Variants in SLC1A1 observed in about 807,000 individuals in gnomAD.
The protein encoded by SLC1A1 is excitatory amino acid transporter 3.
Under a neutral mutation model 53.3 loss-of-function variants are expected in SLC1A1, and 43 were observed. The observed-to-expected ratio is 0.81, with a 90% confidence interval of 0.63 to 1.04. The LOEUF is 1.04. SLC1A1 is among the 50% of genes least tolerant of loss of function. The pLI, the probability that SLC1A1 is intolerant of heterozygous loss-of-function variation, is 0.00. For missense variants in SLC1A1, 748 were observed against 664.9 expected, an observed-to-expected ratio of 1.12 and a Z score of -1.37; for synonymous variants, 307 against 243.2, an observed-to-expected ratio of 1.26 and a Z score of -2.44.
intron 6 of SLC1A1, among the ~76,000 whole-genome samples, chr9:4,571,711 T>A (rs867831763): frequency 2.3e-5 from 3 of 132,644 alleles, no homozygotes; most frequent in Admixed American, 7.6e-5. Flanking sequence ...TAAATAATCC[T>A]ATTGGTCATC....
intron 1 of SLC1A1, among the ~76,000 whole-genome samples, chr9:4,507,769 C>A (rs1363568017): frequency 2.6e-5 from 4 of 152,076 alleles, no homozygotes; most frequent in Non-Finnish European, 5.9e-5. Flanking sequence ...TTTAGAAAAT[C>A]CAGGATGATC....
In SLC1A1 at chr9:4,583,150, A is replaced by C; in HGVS notation, c.1306A>C (p.Ile436Leu). ...CCTGCCCGCCGAGGATGTCACCCTG[A>C]TCATTGCTGTCGACTGGCTCCTGTG... ...VGLPAEDVTL[I>L]IAVDWLLDRF... Residue 436 changes from isoleucine (I) to leucine (L), a missense_variant, in exon 11 of 12, where the codon ATC (isoleucine) becomes CTC (leucine). Ile to Leu is a conservative substitution (Grantham distance 5). Transcript: ENST00000262352. The surrounding 1 kb of genome is among the most constrained non-coding windows in gnomAD (Gnocchi z 4.6). 6.2e-7 allele frequency: 1 copy of C among 1,614,164 alleles called. No individual in the cohort carries two copies. Among genetic ancestry groups the C allele is most frequent in the Non-Finnish European group, 8.5e-7 (1 of 1,180,038 alleles).
chr9:4,503,952 T>C (rs763873633), intron 1 of SLC1A1, among the ~76,000 whole-genome samples: 8 of 152,260 alleles, frequency 5.3e-5, no homozygotes, highest in Non-Finnish European at 1.0e-4. Context: ...GGAACTCTTA[T>C]GCTAGCCTAA....
intron 1 of SLC1A1, among the ~76,000 whole-genome samples, chr9:4,531,396 A>G (rs1434693538): frequency 6.6e-6 from 1 of 152,192 alleles, no homozygotes; most frequent in Non-Finnish European, 1.5e-5. Flanking sequence ...CAAATGGTAC[A>G]CTGGGAGATT....
chr9:4,520,924 A>T (rs971443523), intron 1 of SLC1A1, among the ~76,000 whole-genome samples: 2 of 152,196 alleles, frequency 1.3e-5, no homozygotes, highest in African/African-American at 4.8e-5. Flanking sequence ...TCACCAACAT[A>T]TATCATTTTC....
chr9:4,493,759 C>T (rs568277758), intron 1 of SLC1A1, among the ~76,000 whole-genome samples: 1 of 152,104 alleles, frequency 6.6e-6, no homozygotes, highest in Admixed American at 6.6e-5. Context: ...AATAATAATG[C>T]AATGAAATGT....
At position 4,583,653 on chromosome 9, in the gene SLC1A1, C is replaced by T. The variant is rs552661098; in HGVS notation, c.1328+481C>T. Among the ~76,000 whole-genome samples, 7 of 152,292 alleles carry T rather than the reference C, an allele frequency of 4.6e-5. No homozygotes were observed. Among genetic ancestry groups the T allele is most frequent in the Admixed American group, 2.0e-4 (3 of 15,284 alleles). On this transcript the variant is annotated intron_variant, in intron 11 of 11. Coordinates refer to ENST00000262352, the MANE Select transcript of SLC1A1 (RefSeq NM_004170.6). This position sits in a 1 kb window ranked among gnomAD's most constrained non-coding sequence, Gnocchi z 4.6. ...AGCTTCTTGACCTCGAGCAAGTTTC[C>T]TTAACCTGAGGCCCAGTTGCATAAT...
intron 1 of SLC1A1, among the ~76,000 whole-genome samples, chr9:4,503,060 T>C (rs1340903543): frequency 1.3e-5 from 2 of 151,978 alleles, no homozygotes; most frequent in Non-Finnish European, 1.5e-5. Context: ...ACCACTTTTA[T>C]GTTGTAGACT....
intron 8 of SLC1A1, 115 bp downstream of exon 8, chr9:4,574,129 T>C (rs564435210): frequency 1.4e-4 from 105 of 771,812 alleles, no homozygotes; most frequent in Middle Eastern, 2.5e-4. Context: ...CTGGGAAAGA[T>C]AGGGTTCAGA....
chr9:4,507,296 A>C (rs1820840097), intron 1 of SLC1A1, among the ~76,000 whole-genome samples: 1 of 152,090 alleles, frequency 6.6e-6, no homozygotes, highest in Non-Finnish European at 1.5e-5. Context: ...TACTGTGCAA[A>C]GATTATACTC....
chr9:4,530,454 T>G (rs1816425625), intron 1 of SLC1A1, among the ~76,000 whole-genome samples: 1 of 152,176 alleles, frequency 6.6e-6, no homozygotes, highest in Non-Finnish European at 1.5e-5. Flanking sequence ...GGCGCAGAGA[T>G]GCTGGTTTAA....
chr9:4,554,978 G>A (rs1012651380), intron 2 of SLC1A1, among the ~76,000 whole-genome samples: 1 of 152,228 alleles, frequency 6.6e-6, no homozygotes, highest in African/African-American at 2.4e-5. Flanking sequence ...GCCTGTTATA[G>A]ACATTATTTC....
intron 2 of SLC1A1, among the ~76,000 whole-genome samples, chr9:4,551,588 G>A (rs1056294738): frequency 1.3e-5 from 2 of 152,338 alleles, no homozygotes; most frequent in East Asian, 1.9e-4. Flanking sequence ...TTTTAGCTAC[G>A]AGGGAGGAGT....
intron 1 of SLC1A1, among the ~76,000 whole-genome samples, chr9:4,522,676 G>T (rs556514297): frequency 6.6e-6 from 1 of 152,272 alleles, no homozygotes; most frequent in Admixed American, 6.5e-5. Flanking sequence ...TGGCAAAAGG[G>T]GAAGCAGGCA....
In SLC1A1 at chr9:4,564,350, T is replaced by G. The variant is rs781654644; in HGVS notation, c.332T>G (p.Val111Gly). 2.5e-6 allele frequency: 4 copies of G among 1,611,986 alleles called. No individual in the cohort carries two copies. The highest frequency in any genetic ancestry group is 1.1e-5 in the South Asian group (1 of 90,796). ...ACGCTGTTCTTGGCCACAGGTATTG[T>G]GCTGGTGGTGAGCATCAAGCCTGGT... ...TTLIAVILGI[V>G]LVVSIKPGVT... The change falls in exon 4 of 12, where the codon GTG becomes GGG. Residue 111 changes from valine to glycine, a missense_variant. Val to Gly is a moderately radical substitution (Grantham distance 109). Coordinates refer to ENST00000262352, the MANE Select transcript of SLC1A1 (RefSeq NM_004170.6).
chr9:4,577,599 C>T (rs1820677674), intron 10 of SLC1A1, among the ~76,000 whole-genome samples: 1 of 152,192 alleles, frequency 6.6e-6, no homozygotes, highest in Non-Finnish European at 1.5e-5. Context: ...CCTCAGCCTC[C>T]TGAGTAGCTG....
chr9:4,545,432 T>C lies in SLC1A1; in HGVS notation c.232+725T>C, dbSNP rs530269813. On this transcript the variant is annotated intron_variant, in intron 2 of 11. Transcript: ENST00000262352. ...GGGGCATGGGAAAAAAAAGCATATT[T>C]GGTCACTGAAATGTCAGCTAGTGTC... Among the ~76,000 whole-genome samples the C allele has an allele frequency of 9.7e-4, 148 of 152,336 alleles. 1 individual carries two copies. The highest frequency in any genetic ancestry group is 3.4e-3 in the African/African-American group (140 of 41,580).
At chr9:4,531,862 C>T (rs929584603) in intron 1 of SLC1A1, among the ~76,000 whole-genome samples, 1 of 152,142 alleles carries the variant, frequency 6.6e-6, no homozygotes, top group African/African-American at 2.4e-5. Flanking sequence ...ACAAAATTTC[C>T]AGAGAAATGA....
At chr9:4,580,601 A>ATATGTGTGTG (rs556150232) in intron 10 of SLC1A1, among the ~76,000 whole-genome samples, 1 of 69,700 alleles carries the variant, frequency 1.4e-5, no homozygotes, top group Non-Finnish European at 3.1e-5. Flanking sequence ...AAAAATATAT[A>ATATGTGTGTG]TGTGTGTGTG....
Sources: allele counts gnomAD v4.1 joint callset (sites outside exome capture counted in the v4.1 genomes callset), GRCh38; gene constraint gnomAD v4.1.1; non-coding constraint Gnocchi (gnomAD v3.1); transcripts MANE v1.5; gene names NCBI Gene and HGNC (gene_info 2026-07-23, HGNC 2026-07-21).